DIAPH3: variants seen among roughly 807,000 people sequenced by gnomAD.
The protein encoded by DIAPH3 is protein diaphanous homolog 3.
A neutral mutation model predicts 144.3 loss-of-function variants in DIAPH3; 117 were observed. That is an observed-to-expected ratio of 0.81 (90% CI 0.70 to 0.95). The LOEUF (loss-of-function observed/expected upper bound fraction) is 0.95. Ranked by LOEUF, DIAPH3 falls within the 40% of genes least tolerant of loss-of-function variation. DIAPH3 has a pLI of 0.00. For synonymous variants in DIAPH3, 519 were observed against 488.9 expected, an observed-to-expected ratio of 1.06 and a Z score of -0.81; for missense variants, 1,421 against 1,412.7, an observed-to-expected ratio of 1.01 and a Z score of -0.09.
At chr13:59,852,617 C>T (rs781220127) in intron 22 of DIAPH3, among the ~76,000 whole-genome samples, 14 of 152,092 alleles carry the variant, frequency 9.2e-5, no homozygotes, top group Non-Finnish European at 1.8e-4. Context: ...ATGTCCAACT[C>T]GTAAAAATGC....
At chr13:59,872,438 G>A (rs2140009353) in intron 21 of DIAPH3, among the ~76,000 whole-genome samples, 1 of 152,084 alleles carries the variant, frequency 6.6e-6, no homozygotes, top group African/African-American at 2.4e-5. Context: ...TGGTGGTGGT[G>A]GATTCTGTAC....
rs190198866 is a variant in DIAPH3 at position 59,675,317 on chromosome 13, C to T, written c.3320-8471G>A. On this transcript the variant is annotated intron_variant, in intron 27 of 27. Coordinates refer to ENST00000400324, the MANE Select transcript of DIAPH3 (RefSeq NM_001042517.2). Reference sequence around the variant, plus strand: ...TCCTAGTCCCAAGTGATTTTCCTGCCTCAGTTTCCCAAAGTGCTGGAGTTA... The same window carrying T: ...TCCTAGTCCCAAGTGATTTTCCTGCTTCAGTTTCCCAAAGTGCTGGAGTTA... Among the ~76,000 whole-genome samples, 457 of 152,230 alleles carry T rather than the reference C, an allele frequency of 3.0e-3. 2 individuals carry two copies. Among genetic ancestry groups the T allele is most frequent in the African/African-American group, 9.7e-3 (401 of 41,534 alleles).
intron 27 of DIAPH3, among the ~76,000 whole-genome samples, chr13:59,745,379 G>T (rs578009774): frequency 6.6e-6 from 1 of 152,142 alleles, no homozygotes; most frequent in African/African-American, 2.4e-5. Flanking sequence ...TCCAATAGGG[G>T]ATCAGCAAAA....
intron 2 of DIAPH3, among the ~76,000 whole-genome samples, chr13:60,122,780 T>C (rs1017177045): frequency 2.0e-5 from 3 of 152,112 alleles, no homozygotes; most frequent in African/African-American, 7.2e-5. Flanking sequence ...TAACTTATGT[T>C]ATTTAATATC....
intron 23 of DIAPH3, chr13:59,837,568 CAAT>C (rs2042101548): frequency 6.5e-6 from 1 of 153,910 alleles, no homozygotes; most frequent in African/African-American, 2.4e-5. Flanking sequence ...CTATAGGGAA[CAAT>C]AATAAGTAGT....
intron 22 of DIAPH3, among the ~76,000 whole-genome samples, chr13:59,855,240 G>A (rs1043683455): frequency 3.3e-5 from 5 of 151,898 alleles, no homozygotes; most frequent in African/African-American, 7.3e-5. Flanking sequence ...TTAAATATGT[G>A]GTCTCTTACC....
intron 25 of DIAPH3, among the ~76,000 whole-genome samples, chr13:59,805,400 C>T (rs1046609582): frequency 3.9e-5 from 6 of 152,028 alleles, no homozygotes; most frequent in Admixed American, 1.3e-4. Flanking sequence ...ATTACTACTA[C>T]TTGCCTTACT....
At chr13:60,071,740 T>C (rs756640654) in intron 4 of DIAPH3, among the ~76,000 whole-genome samples, 1 of 152,106 alleles carries the variant, frequency 6.6e-6, no homozygotes, top group Non-Finnish European at 1.5e-5. Flanking sequence ...AGGAAACAAG[T>C]TTTCTTCTAT....
chr13:59,829,260 C>G (rs1015281180), intron 24 of DIAPH3, among the ~76,000 whole-genome samples: 1 of 151,960 alleles, frequency 6.6e-6, no homozygotes, highest in Non-Finnish European at 1.5e-5. Context: ...ATTTACAAAC[C>G]AAACGATTGT....
chr13:59,890,871 C>T (rs2045748058), intron 20 of DIAPH3, among the ~76,000 whole-genome samples: 2 of 151,822 alleles, frequency 1.3e-5, no homozygotes, highest in South Asian at 4.2e-4. Context: ...AGCACACTAA[C>T]TAGAAAAATA....
chr13:59,846,240 A>T (rs1200542443), intron 22 of DIAPH3, among the ~76,000 whole-genome samples: 1 of 38,154 alleles, frequency 2.6e-5, no homozygotes, highest in Non-Finnish European at 1.0e-4. Context: ...TTTGTAATTA[A>T]AAAAAAAAAT....
chr13:59,951,503 CAT>C lies in DIAPH3; in HGVS notation c.2074+18439_2074+18440del, dbSNP rs1442009043. Among the ~76,000 whole-genome samples, 9 of 152,202 alleles carry C rather than the reference CAT, an allele frequency of 5.9e-5. No individual in the cohort carries two copies. The East Asian group carries it at 1.5e-3, about 26-fold the overall frequency. Reference sequence around the variant, plus strand: ...ACTGTATACTGTATTACCTATAACACATATATCTTTCATGTAAAATTGCAAGC... The same window carrying C: ...ACTGTATACTGTATTACCTATAACACATATCTTTCATGTAAAATTGCAAGC... On this transcript the variant is annotated intron_variant, in intron 17 of 27. Transcript: ENST00000400324.
chr13:59,981,875 G>T (rs2051042257), intron 13 of DIAPH3, among the ~76,000 whole-genome samples: 1 of 151,092 alleles, frequency 6.6e-6, no homozygotes, highest in Admixed American at 6.6e-5. Context: ...AGACATTATA[G>T]ATAACTTTCT....
intron 1 of DIAPH3, among the ~76,000 whole-genome samples, chr13:60,158,110 T>C (rs1594802754): frequency 6.6e-6 from 1 of 152,310 alleles, no homozygotes; most frequent in East Asian, 1.9e-4. Flanking sequence ...GACAAACTTA[T>C]CCAGTGCTAG....
chr13:59,778,403 T>C (rs2038540082), intron 25 of DIAPH3, among the ~76,000 whole-genome samples: 1 of 152,248 alleles, frequency 6.6e-6, no homozygotes, highest in East Asian at 1.9e-4. Context: ...GCGACTATTA[T>C]ATAGAGAGTG....
At chr13:59,796,278 G>C (rs1001855242) in intron 25 of DIAPH3, among the ~76,000 whole-genome samples, 1 of 152,144 alleles carries the variant, frequency 6.6e-6, no homozygotes, top group East Asian at 1.9e-4. Flanking sequence ...CCTCGATCAC[G>C]GGAGGCCACT....
chr13:60,030,292 A>T (rs1199115092), intron 5 of DIAPH3, among the ~76,000 whole-genome samples: 1 of 152,150 alleles, frequency 6.6e-6, no homozygotes, highest in Non-Finnish European at 1.5e-5. Context: ...CCTGTGCTAT[A>T]TTTTAGTGGC....
intron 25 of DIAPH3, among the ~76,000 whole-genome samples, chr13:59,792,414 C>T (rs2039375322): frequency 6.6e-6 from 1 of 152,188 alleles, no homozygotes; most frequent in Non-Finnish European, 1.5e-5. Context: ...AGTCAGTCTT[C>T]CTCATCAGGC....
intron 27 of DIAPH3, among the ~76,000 whole-genome samples, chr13:59,671,983 G>A (rs1409827151): frequency 6.6e-6 from 1 of 152,172 alleles, no homozygotes. Context: ...TTCATCCTGT[G>A]CTAATATTTC....
Sources: allele counts gnomAD v4.1 joint callset (sites outside exome capture counted in the v4.1 genomes callset), GRCh38; gene constraint gnomAD v4.1.1; transcripts MANE v1.5; gene names NCBI Gene and HGNC (gene_info 2026-07-23, HGNC 2026-07-21).